LARP1: variants seen among roughly 807,000 people sequenced by gnomAD.
LARP1 encodes la-related protein 1.
A neutral mutation model predicts 122.7 loss-of-function variants in LARP1; 36 were observed. That is an observed-to-expected ratio of 0.29 (90% CI 0.22 to 0.39). The LOEUF (loss-of-function observed/expected upper bound fraction) is 0.39. Among genes scored for constraint, LARP1 ranks in the 10% least tolerant of loss-of-function variants. The probability of loss-of-function intolerance (pLI) is 1.00; values close to 1 mark genes in which losing one functional copy is unlikely to be tolerated. For missense variants in LARP1, 1,040 were observed against 1,403.6 expected, an observed-to-expected ratio of 0.74 and a Z score of 4.14; for synonymous variants, 539 against 528.7, an observed-to-expected ratio of 1.02 and a Z score of -0.27.
intron 1 of LARP1, among the ~76,000 whole-genome samples, chr5:154,746,767 G>A (rs1753217221): frequency 6.6e-6 from 1 of 152,194 alleles, no homozygotes; most frequent in Admixed American, 6.5e-5. Flanking sequence ...GGGAAGCCAA[G>A]GTATGAGAAT....
chr5:154,755,171 G>A (rs566317454), upstream of LARP1, among the ~76,000 whole-genome samples: 15 of 150,612 alleles, frequency 1.0e-4, no homozygotes, highest in Admixed American at 2.6e-4. Flanking sequence ...AATCGGAGAC[G>A]AGGGGCGGGG....
At chr5:154,742,360 G>A (rs1312409468) in intron 1 of LARP1, among the ~76,000 whole-genome samples, 1 of 152,150 alleles carries the variant, frequency 6.6e-6, no homozygotes, top group Non-Finnish European at 1.5e-5. Context: ...CCAGGGGTTC[G>A]AGACCAGCCT....
intron 1 of LARP1, among the ~76,000 whole-genome samples, chr5:154,725,325 G>T (rs1360620560): frequency 6.6e-6 from 1 of 150,620 alleles, no homozygotes; most frequent in Non-Finnish European, 1.5e-5. Flanking sequence ...GAAGGCGGAG[G>T]TTGCAGTAAG....
chr5:154,796,074 TATA>T (rs1561615933), intron 8 of LARP1, among the ~76,000 whole-genome samples: 1 of 98,880 alleles, frequency 1.0e-5, no homozygotes, highest in African/African-American at 3.9e-5. Flanking sequence ...TTATATATAG[TATA>T]TATATTATAT....
intron 1 of LARP1, 61 bp downstream of exon 1, chr5:154,756,254 C>T (rs1753885023): frequency 3.5e-6 from 4 of 1,137,718 alleles, no homozygotes; most frequent in South Asian, 3.3e-5. Context: ...TGGGAGTCCC[C>T]TCCCCCAGCA....
At chr5:154,740,865 G>A (rs1752842083) in intron 1 of LARP1, among the ~76,000 whole-genome samples, 1 of 152,220 alleles carries the variant, frequency 6.6e-6, no homozygotes, top group South Asian at 2.1e-4. Context: ...ATCCAGAAAT[G>A]AGGGGATTTG....
At chr5:154,699,188 G>C (rs947813517) in intron 1 of LARP1, among the ~76,000 whole-genome samples, 1 of 152,166 alleles carries the variant, frequency 6.6e-6, no homozygotes, top group Non-Finnish European at 1.5e-5. Flanking sequence ...TGTAGTTAAA[G>C]CTCCAGAATA....
chr5:154,795,654 C>T (rs982295156), intron 8 of LARP1, among the ~76,000 whole-genome samples: 17 of 151,412 alleles, frequency 1.1e-4, no homozygotes, highest in Admixed American at 6.6e-5. Flanking sequence ...GAAAACCTAG[C>T]ATTTTGTTCA....
At chr5:154,810,673 G>C (rs528970981) in intron 16 of LARP1, among the ~76,000 whole-genome samples, 1 of 152,076 alleles carries the variant, frequency 6.6e-6, no homozygotes, top group African/African-American at 2.4e-5. Flanking sequence ...TTTTGGTAGA[G>C]ATGGGGTTTC....
At chr5:154,750,326 G>A (rs1008992985) in intron 1 of LARP1, among the ~76,000 whole-genome samples, 1 of 152,046 alleles carries the variant, frequency 6.6e-6, no homozygotes, top group Non-Finnish European at 1.5e-5. Flanking sequence ...CTGGGGTGCA[G>A]TGGTGCAATC....
At chr5:154,806,173 A>G in intron 15 of LARP1, 141 bp downstream of exon 15, 3 of 900,476 alleles carry the variant, frequency 3.3e-6, no homozygotes, top group Non-Finnish European at 4.9e-6. Flanking sequence ...AGCAAGAAAG[A>G]CTGAAGTTAG....
chr5:154,712,840 C>T (rs979880136), upstream of LARP1: 34 of 1,244,970 alleles, frequency 2.7e-5, no homozygotes, highest in South Asian at 1.3e-4. Context: ...GGAGAGCTCC[C>T]GGGCCAGAGC....
intron 15 of LARP1, among the ~76,000 whole-genome samples, chr5:154,806,609 G>A (rs1362654520): frequency 1.3e-5 from 2 of 152,308 alleles, no homozygotes; most frequent in African/African-American, 4.8e-5. Flanking sequence ...TGTAAGGAAC[G>A]AGCCTGTCTA....
intron 1 of LARP1, among the ~76,000 whole-genome samples, chr5:154,771,627 T>C (rs1755434340): frequency 6.6e-6 from 1 of 152,176 alleles, no homozygotes; most frequent in South Asian, 2.1e-4. Flanking sequence ...GCTGCTGATA[T>C]CTGTATAGGG....
chr5:154,766,430 A>G (rs1038562422), intron 1 of LARP1, among the ~76,000 whole-genome samples: 8 of 152,312 alleles, frequency 5.3e-5, no homozygotes, highest in East Asian at 1.9e-4. Context: ...ATCTTGGGCA[A>G]TTATTAACTG....
intron 1 of LARP1, among the ~76,000 whole-genome samples, chr5:154,684,152 G>A (rs1753816298): frequency 6.6e-6 from 1 of 152,114 alleles, no homozygotes; most frequent in African/African-American, 2.4e-5. Flanking sequence ...CCTGTAAAGT[G>A]TAGATTCTGA....
upstream of LARP1, among the ~76,000 whole-genome samples, chr5:154,751,762 C>G (rs1753507802): frequency 6.6e-6 from 1 of 152,122 alleles, no homozygotes; most frequent in African/African-American, 2.4e-5. Flanking sequence ...TTGTTTATCT[C>G]TTACTGTGCC....
At chr5:154,790,527 G>A in intron 2 of LARP1, 118 bp from the exon 3 acceptor site, 1 of 1,307,374 alleles carries the variant, frequency 7.6e-7, no homozygotes, top group East Asian at 2.3e-5. Context: ...TATCCAGTGT[G>A]AATGGTCCTG....
chr5:154,804,382 C>A (rs1758585789), intron 14 of LARP1, 75 bp downstream of exon 14: 8 of 1,083,318 alleles, frequency 7.4e-6, no homozygotes, highest in Admixed American at 3.7e-5. Context: ...TTGACTGGAC[C>A]AAGAAGATTG....
Sources: gnomAD v4.1 joint callset for allele counts (sites outside exome capture counted in the v4.1 genomes callset) on GRCh38, gnomAD v4.1.1 for gene constraint, MANE v1.5 for transcripts, NCBI Gene and HGNC (gene_info 2026-07-23, HGNC 2026-07-21) for gene names.